Variants in TMEM150B observed in about 807,000 individuals in gnomAD.
TMEM150B encodes transmembrane protein 150B.
TMEM150B carries 33 observed loss-of-function variants against 25.2 expected under a neutral mutation model. That is an observed-to-expected ratio of 1.31 (90% confidence interval 0.99 to 1.75). TMEM150B has a LOEUF of 1.75. Ranked by LOEUF, TMEM150B falls within the 40% of genes most tolerant of loss-of-function variation. The pLI, the probability that TMEM150B is intolerant of heterozygous loss-of-function variation, is 0.00. For missense variants in TMEM150B, 322 were observed against 306.1 expected (o/e 1.05, Z -0.39); for synonymous variants, 133 against 134.8 (o/e 0.99, Z 0.09).
At position 55,320,162 on chromosome 19, in the gene TMEM150B, C is replaced by T. The variant is rs758538644; in HGVS notation, c.201G>A (p.Ala67=). 1.9e-6 allele frequency: 3 copies of T among 1,613,892 alleles called. No individual in the cohort carries two copies. Among genetic ancestry groups the T allele is most frequent in the East Asian group, 2.2e-5 (1 of 44,860 alleles). The change falls in exon 6 of 8, where the codon GCG becomes GCA. Residue 67 remains alanine (A), a synonymous_variant. Coordinates refer to ENST00000326652, the MANE Select transcript of TMEM150B (RefSeq NM_001282011.2). ...GGTGGTAACGGACAATGCAGATCCA[C>T]GCGGCTGGGAGTAGAGGGGAGAAGG... The part of the protein sequence containing the change: ...QVLNMGAALA[A]WICIVRYHQL...
chr19:55,310,144 GAC>G (rs2088751228), downstream of TMEM150B, among the ~76,000 whole-genome samples: 1 of 152,212 alleles, frequency 6.6e-6, no homozygotes, highest in African/African-American at 2.4e-5. This position sits in a 1 kb window ranked among gnomAD's most constrained non-coding sequence, Gnocchi z 5.0. Flanking sequence ...GTCAACAAAT[GAC>G]ACAGCCTTGG....
rs554107274 is a variant in TMEM150B, at chr19:55,312,985, C to T, written c.576G>A (p.Leu192=). The change falls in exon 8 of 8, where the codon CTG becomes CTA. Residue 192 remains leucine (L), a synonymous_variant. Coordinates refer to ENST00000326652, the MANE Select transcript of TMEM150B (RefSeq NM_001282011.2). The part of the protein sequence containing the change: ...AACEWVVAML[L]FALFGLLAVD... ...CGGCTAAGAGACCGAAGAGCGCGAACAGCAGCATGGCCACGACCCACTCGC... is the reference window on the plus strand; with the variant it reads ...CGGCTAAGAGACCGAAGAGCGCGAATAGCAGCATGGCCACGACCCACTCGC... The T allele has an allele frequency of 2.9e-5, 47 of 1,613,704 alleles. No individual in the cohort carries two copies. The Admixed American group carries it at 5.2e-4, about 18-fold the overall frequency.
At position 55,318,591 on chromosome 19, in the gene TMEM150B, G is replaced by A. The variant is rs912099634; in HGVS notation, c.324+1448C>T. On this transcript the variant is annotated intron_variant, in intron 6 of 7. Coordinates refer to ENST00000326652, the MANE Select transcript of TMEM150B (RefSeq NM_001282011.2). The stretch of plus-strand genomic sequence containing the variant: ...GCGGAGGTTGCGGTGAGCCAAGATC[G>A]CACTACTGCACTCCAGCCTGGGTGA... 5.3e-5 allele frequency among the ~76,000 whole-genome samples: 8 copies of A among 149,880 alleles called. No individual in the cohort carries two copies. In the East Asian group the frequency reaches 9.9e-4, roughly 19 times the overall value.
At position 55,312,812 on chromosome 19, in the gene TMEM150B, T is replaced by C. The variant is rs1470094711; in HGVS notation, c.*47A>G. 2 of 1,521,370 alleles carry C rather than the reference T, an allele frequency of 1.3e-6. No homozygotes were observed. Among genetic ancestry groups the C allele is most frequent in the East Asian group, 4.9e-5 (2 of 40,768 alleles). The allele number at this position is 1,521,370 out of a possible 1,614,324, so 94.2% of individuals were successfully genotyped here. On this transcript the variant is annotated 3_prime_UTR_variant, in exon 8 of 8. Transcript: ENST00000326652. ...GTGCGGGGCACTGGGATTGGCCCCA[T>C]CTTTCCTGCTTCACTGGTGAGGGCA...
chr19:55,311,530 T>TC (rs1487014081), downstream of TMEM150B, among the ~76,000 whole-genome samples: 6 of 150,708 alleles, frequency 4.0e-5, no homozygotes, highest in African/African-American at 1.5e-4. Context: ...TAGGAGAGAG[T>TC]CGGGGGGCCC....
At chr19:55,322,872 T>A (rs1370046398) in intron 1 of TMEM150B, 129 bp from the exon 2 acceptor site, 1 of 252,386 alleles carries the variant, frequency 4.0e-6, no homozygotes, top group African/African-American at 2.3e-5. Context: ...CACCGTAGCT[T>A]TGGGGGACCC....
At chr19:55,311,976 G>A (rs12978445), downstream of TMEM150B, 135,094 of 1,256,332 alleles carry the variant, frequency 0.11, 6,422 homozygotes, top group Middle Eastern at 0.15. Flanking sequence ...GCCCCCACCC[G>A]GCCGCCCAGA....
In TMEM150B at chr19:55,320,979, C is replaced by A. The variant is rs138035807; in HGVS notation, c.58G>T (p.Val20Phe). Residue 20 changes from valine to phenylalanine, a missense_variant, in exon 3 of 8, where the codon GTC becomes TTC. Val to Phe is a conservative substitution (Grantham distance 50). Transcript: ENST00000326652. ...VFLAVWAISG[V>F]WIVFAIAVTN... ...GCCTCTGACACTCACACGATCCAGA[C>A]GCCAGAGATAGCCCAGACAGCTAGG... is the stretch of plus-strand genomic sequence containing the variant. 1.9e-6 allele frequency: 3 copies of A among 1,613,768 alleles called. No individual in the cohort carries two copies. In the East Asian group the frequency reaches 6.7e-5, roughly 36 times the overall value.
Position 55,322,759 on chromosome 19 carries a change from C to A in TMEM150B, c.-153-16G>T. 5 of 984,204 alleles carry A rather than the reference C, an allele frequency of 5.1e-6. No homozygotes were observed. Among genetic ancestry groups the A allele is most frequent in the Non-Finnish European group, 6.0e-6 (5 of 828,934 alleles). The allele number at this position is 984,204 out of a possible 1,614,324, so 61.0% of individuals were successfully genotyped here. On this transcript the variant is annotated splice_polypyrimidine_tract_variant and intron_variant, in intron 1 of 7. Transcript: ENST00000326652. Reference sequence around the variant, plus strand: ...GGCAGACATCCTGCAGAGGCAAAGTCCAGGCTGCAGGACTGCCTGGGTCCT... The same window carrying A: ...GGCAGACATCCTGCAGAGGCAAAGTACAGGCTGCAGGACTGCCTGGGTCCT...
At chr19:55,310,031 G>A (rs1374259122), downstream of TMEM150B, among the ~76,000 whole-genome samples, 3 of 152,336 alleles carry the variant, frequency 2.0e-5, no homozygotes, top group Middle Eastern at 6.8e-3. This position sits in a 1 kb window ranked among gnomAD's most constrained non-coding sequence, Gnocchi z 5.0. Context: ...CTTTGGCCTT[G>A]TCACCAGAAA....
intron 7 of TMEM150B, among the ~76,000 whole-genome samples, chr19:55,316,579 C>T (rs1461790342): frequency 1.3e-5 from 2 of 151,844 alleles, no homozygotes; most frequent in East Asian, 1.9e-4. Context: ...GCGGAAGTTT[C>T]CCCCAGCTGC....
At position 55,316,985 on chromosome 19, in the gene TMEM150B, A is replaced by G. The variant is rs1298623780; in HGVS notation, c.325-19T>C. On this transcript the variant is annotated intron_variant, in intron 6 of 7. Coordinates refer to ENST00000326652, the MANE Select transcript of TMEM150B (RefSeq NM_001282011.2). ...TCTTTTCCTGGGAGGAGAAGGGAGA[A>G]GTTGGGAGGGAGACTCTGGGAAGGA... The G allele has an allele frequency of 3.1e-6, 5 of 1,589,540 alleles. No homozygotes were observed. In the East Asian group the frequency reaches 1.1e-4, roughly 37 times the overall value.
Position 55,313,032 on chromosome 19 carries a change from G to C in TMEM150B, c.529C>G (p.Leu177Val), listed in dbSNP as rs191786360. The stretch of plus-strand genomic sequence containing the variant: ...TCGCAGGCCGCAGAGACGCTACGCA[G>C]CGAGCAGGCGTGGAGGACGATCACT... ...VAMIVLHACS[L>V]RSVSAACEWV... The change falls in exon 8 of 8, where the codon CTG (leucine) becomes GTG (valine). Residue 177 changes from leucine to valine, a missense_variant. Transcript: ENST00000326652. 1 of 1,612,508 alleles carries C rather than the reference G, an allele frequency of 6.2e-7. No individual in the cohort carries two copies. The highest frequency in any genetic ancestry group is 1.3e-5 in the African/African-American group (1 of 74,902).
intron 7 of TMEM150B, among the ~76,000 whole-genome samples, chr19:55,314,914 C>T (rs1020221222): frequency 1.3e-5 from 2 of 152,230 alleles, no homozygotes; most frequent in African/African-American, 2.4e-5. Context: ...TCTCTGTACT[C>T]TCTTCTGAAT....
chr19:55,320,961 ACACT>A lies in TMEM150B; in HGVS notation c.68+4_68+7del. ...GACCCAGGAGTCCATCATGCCTCTG[ACACT>A]CACACGATCCAGACGCCAGAGATAG... On this transcript the variant is annotated splice_donor_5th_base_variant and intron_variant, in intron 3 of 7. Transcript: ENST00000326652. 1 of 1,613,418 alleles carries A rather than the reference ACACT, an allele frequency of 6.2e-7. No homozygotes were observed.
intron 1 of TMEM150B, chr19:55,324,979 C>T: frequency 1.5e-6 from 1 of 645,444 alleles, no homozygotes; most frequent in Non-Finnish European, 1.9e-6. Flanking sequence ...TCCGTCGGCC[C>T]TCAACACTGA....
chr19:55,318,232 G>C (rs1287417823), intron 6 of TMEM150B, among the ~76,000 whole-genome samples: 1 of 150,726 alleles, frequency 6.6e-6, no homozygotes, highest in Non-Finnish European at 1.5e-5. Flanking sequence ...GTGGTGGTGA[G>C]CGCCTGTAAT....
chr19:55,324,000 G>A (rs576339633), intron 1 of TMEM150B, among the ~76,000 whole-genome samples: 242 of 148,928 alleles, frequency 1.6e-3, no homozygotes, highest in African/African-American at 5.6e-3. Context: ...TAAAGACAGA[G>A]TTTCACCATG....
intron 2 of TMEM150B, 50 bp downstream of exon 2, chr19:55,322,598 C>G (rs1214174884): frequency 2.2e-6 from 2 of 904,974 alleles, no homozygotes; most frequent in East Asian, 1.2e-4. Context: ...CCTGCCCTCC[C>G]AGCCCCTCCG....
Sources: gnomAD v4.1 joint callset for allele counts (sites outside exome capture counted in the v4.1 genomes callset) on GRCh38, gnomAD v4.1.1 for gene constraint, Gnocchi (gnomAD v3.1) non-coding constraint, MANE v1.5 for transcripts, NCBI Gene and HGNC (gene_info 2026-07-23, HGNC 2026-07-21) for gene names.